Variants in TSC22D3 observed in about 807,000 individuals in gnomAD.
TSC22D3 encodes the protein TSC22 domain family member 3, also known as TSC22 domain family protein 3.
Under a neutral mutation model 11.1 loss-of-function variants are expected in TSC22D3, and 4 were observed. That is an observed-to-expected ratio of 0.36 (90% CI 0.18 to 0.83). The LOEUF (loss-of-function observed/expected upper bound fraction) is 0.83. TSC22D3 is among the 40% of genes least tolerant of loss of function. The pLI is 0.48. For missense variants in TSC22D3, 118 were observed against 159.4 expected, an observed-to-expected ratio of 0.74 and a Z score of 1.40; for synonymous variants, 77 against 70.3, an observed-to-expected ratio of 1.10 and a Z score of -0.48.
At chrX:107,736,815 C>G (rs763972604) in intron 1 of TSC22D3, among the ~76,000 whole-genome samples, 2 of 111,347 alleles carry the variant, frequency 1.8e-5, no homozygotes, top group East Asian at 5.7e-4. Flanking sequence ...AGCTGAGAGG[C>G]CTGGAACCAC....
At chrX:107,754,905 C>T (rs1358496154) in intron 1 of TSC22D3, among the ~76,000 whole-genome samples, 1 of 111,886 alleles carries the variant, frequency 8.9e-6, no homozygotes, top group Non-Finnish European at 1.9e-5. Flanking sequence ...ACAAGCTTAG[C>T]GTTCCAATAA....
At chrX:107,718,137 G>A (rs750815315) in intron 1 of TSC22D3, among the ~76,000 whole-genome samples, 1 of 111,709 alleles carries the variant, frequency 9.0e-6, no homozygotes, top group Non-Finnish European at 1.9e-5. Flanking sequence ...AAAGTTACAC[G>A]TTTCCATTAA....
At chrX:107,764,542 T>C (rs1016748233) in intron 1 of TSC22D3, among the ~76,000 whole-genome samples, 4 of 111,781 alleles carry the variant, frequency 3.6e-5, no homozygotes, top group Admixed American at 1.9e-4. Context: ...TTCTTACCTT[T>C]CTCAACCTTA....
intron 1 of TSC22D3, among the ~76,000 whole-genome samples, chrX:107,718,721 C>A (rs1927180766): frequency 8.9e-6 from 1 of 112,439 alleles, no homozygotes; most frequent in Non-Finnish European, 1.9e-5. Context: ...AAAGTACTGA[C>A]CAATAGAACT....
chrX:107,738,573 C>A (rs766138323), intron 1 of TSC22D3, among the ~76,000 whole-genome samples: 1 of 113,137 alleles, frequency 8.8e-6, no homozygotes, highest in Admixed American at 9.2e-5. Context: ...TGCCCCACAC[C>A]CCACTAGTTT....
chrX:107,715,785 G>A, intron 2 of TSC22D3, 114 bp downstream of exon 2: 2 of 933,140 alleles, frequency 2.1e-6, no homozygotes, highest in Non-Finnish European at 3.1e-6. Flanking sequence ...GCAGGCTGTC[G>A]GCTTCCTCAG....
chrX:107,737,894 TA>T (rs1184183843), intron 1 of TSC22D3, among the ~76,000 whole-genome samples: 2 of 112,019 alleles, frequency 1.8e-5, no homozygotes, highest in Non-Finnish European at 3.8e-5. Flanking sequence ...GTCCTGGGAA[TA>T]AGTGTGTGCC....
chrX:107,740,216 G>A (rs914773915), intron 1 of TSC22D3, among the ~76,000 whole-genome samples: 2 of 111,782 alleles, frequency 1.8e-5, no homozygotes, highest in Non-Finnish European at 3.8e-5. Flanking sequence ...AGCTCATTAC[G>A]CTTCAGGGCC....
At chrX:107,771,541 T>C (rs1436995077) in intron 1 of TSC22D3, among the ~76,000 whole-genome samples, 2 of 112,161 alleles carry the variant, frequency 1.8e-5, no homozygotes, top group Non-Finnish European at 3.8e-5. Context: ...GCTGAGATCG[T>C]GCCACTGCAC....
At chrX:107,763,450 C>A (rs1929530314) in intron 1 of TSC22D3, among the ~76,000 whole-genome samples, 1 of 111,348 alleles carries the variant, frequency 9.0e-6, no homozygotes, top group Non-Finnish European at 1.9e-5. Context: ...CAAATGAACA[C>A]TCTTTGGGGC....
intron 1 of TSC22D3, among the ~76,000 whole-genome samples, chrX:107,736,410 TTC>T (rs1928136125): frequency 8.9e-6 from 1 of 111,844 alleles, no homozygotes; most frequent in Non-Finnish European, 1.9e-5. Flanking sequence ...CATTTTCCCC[TTC>T]TGTGCTGTCG....
At chrX:107,764,516 C>G (rs1057373510) in intron 1 of TSC22D3, among the ~76,000 whole-genome samples, 2 of 111,656 alleles carry the variant, frequency 1.8e-5, no homozygotes, top group East Asian at 5.6e-4. Context: ...TGTCTCCCTT[C>G]CTGTCAGCTT....
rs781420642 is a variant in TSC22D3, at chrX:107,728,122, T to C, written c.321-12172A>G. Among the ~76,000 whole-genome samples, 14 of 109,732 alleles carry C rather than the reference T, an allele frequency of 1.3e-4. 1 individual carries two copies. In the South Asian group the frequency reaches 5.5e-3, roughly 43 times the overall value. The stretch of plus-strand genomic sequence containing the variant: ...TACACCTAAGGCTTGGACCGGTGCC[T>C]GGCACACAGTACAAATGCAGTAAAT... On this transcript the variant is annotated intron_variant, in intron 1 of 2. Coordinates refer to ENST00000372383, the MANE Select transcript of TSC22D3 (RefSeq NM_198057.3).
intron 1 of TSC22D3, among the ~76,000 whole-genome samples, chrX:107,750,832 A>G (rs1928903849): frequency 8.9e-6 from 1 of 111,847 alleles, no homozygotes; most frequent in East Asian, 2.8e-4. Flanking sequence ...CAGACGGCAC[A>G]GTGTCAGGGA....
chrX:107,757,057 C>CT (rs1929210586), intron 1 of TSC22D3, among the ~76,000 whole-genome samples: 1 of 112,331 alleles, frequency 8.9e-6, no homozygotes, highest in African/African-American at 3.2e-5. Context: ...CCAAAGCATT[C>CT]TGTGGGCAAG....
chrX:107,746,551 CAGA>C (rs200787293), intron 1 of TSC22D3, among the ~76,000 whole-genome samples: 6,931 of 111,723 alleles, frequency 0.062, 194 homozygotes, highest in Middle Eastern at 0.18. Context: ...GAGTCACACA[CAGA>C]AGAACACCAA....
intron 1 of TSC22D3, 149 bp from the exon 2 acceptor site, chrX:107,716,099 C>T: frequency 2.9e-6 from 2 of 697,707 alleles, no homozygotes; most frequent in Middle Eastern, 5.0e-4. Flanking sequence ...ACAGTTTGTC[C>T]CCAGATCCTT....
In TSC22D3 at chrX:107,748,461, G is replaced by A. The variant is rs550063134; in HGVS notation, c.320+26639C>T. On this transcript the variant is annotated intron_variant, in intron 1 of 2. Coordinates refer to ENST00000372383, the MANE Select transcript of TSC22D3 (RefSeq NM_198057.3). ...TCACCATCATGGAGAAGGAAAAATC[G>A]CTGCCTCCTTGGGTCAGCCCTTCCC... 1.2e-4 allele frequency among the ~76,000 whole-genome samples: 13 copies of A among 111,770 alleles called. No homozygotes were observed. In the South Asian group the frequency reaches 4.1e-3, roughly 35 times the overall value.
At position 107,749,106 on chromosome X, in the gene TSC22D3, G is replaced by A. The variant is rs183506293; in HGVS notation, c.320+25994C>T. 1.4e-3 allele frequency among the ~76,000 whole-genome samples: 158 copies of A among 109,959 alleles called. 1 individual carries two copies. Among genetic ancestry groups the A allele is most frequent in the Non-Finnish European group, 5.1e-4 (27 of 52,682 alleles). Reference sequence around the variant, plus strand: ...TCCCAGCATTTTGGGAGGCCGAAGCGGTTGTATCACCTGATGTCAGGAGTT... The same window carrying A: ...TCCCAGCATTTTGGGAGGCCGAAGCAGTTGTATCACCTGATGTCAGGAGTT... On this transcript the variant is annotated intron_variant, in intron 1 of 2. Coordinates refer to ENST00000372383, the MANE Select transcript of TSC22D3 (RefSeq NM_198057.3).
Sources: allele counts gnomAD v4.1 joint callset (sites outside exome capture counted in the v4.1 genomes callset), GRCh38; gene constraint gnomAD v4.1.1; transcripts MANE v1.5; gene names NCBI Gene and HGNC (gene_info 2026-07-23, HGNC 2026-07-21).